COL4A2: variants seen among roughly 807,000 people sequenced by gnomAD.
COL4A2 encodes collagen type IV alpha 2 chain.
COL4A2 carries 99 observed loss-of-function variants against 200.2 expected under a neutral mutation model. That is an observed-to-expected ratio of 0.49 (90% confidence interval 0.42 to 0.58). The LOEUF is 0.58. COL4A2 is among the 20% of genes least tolerant of loss of function. The probability of loss-of-function intolerance (pLI) is 0.00; values close to 1 mark genes in which losing one functional copy is unlikely to be tolerated. For synonymous variants in COL4A2, 897 were observed against 900.6 expected (o/e 1.00, Z 0.07); for missense variants, 1,950 against 2,314.1 (o/e 0.84, Z 3.23).
In COL4A2 at chr13:110,504,129, C is replaced by T; in HGVS notation, c.4286-19C>T. 1 of 1,611,444 alleles carries T rather than the reference C, an allele frequency of 6.2e-7. No homozygotes were observed. The highest frequency in any genetic ancestry group is 8.5e-7 in the Non-Finnish European group (1 of 1,177,578). ...GCGTGGTCAGTTTCCAGCCATAACG[C>T]TTCTTTGGTGGCTTGCAGGTTTCCG... On this transcript the variant is annotated intron_variant, in intron 44 of 47. Transcript: ENST00000360467.
intron 3 of COL4A2, among the ~76,000 whole-genome samples, chr13:110,355,289 G>A (rs1476841376): frequency 6.7e-6 from 1 of 148,900 alleles, no homozygotes; most frequent in Non-Finnish European, 1.5e-5. Context: ...TCACCTGTTT[G>A]TGTGGGGAGG....
In COL4A2 at chr13:110,390,369, G is replaced by A. The variant is rs113561949; in HGVS notation, c.180+32817G>A. Among the ~76,000 whole-genome samples, 300 of 152,342 alleles carry A rather than the reference G, an allele frequency of 2.0e-3. 1 individual carries two copies. The highest frequency in any genetic ancestry group is 6.9e-3 in the African/African-American group (286 of 41,588). On this transcript the variant is annotated intron_variant, in intron 4 of 47. Coordinates refer to ENST00000360467, the MANE Select transcript of COL4A2 (RefSeq NM_001846.4). ...GTCTCCACAGATTCCCAAAGGTCAC[G>A]CAGTGACCCTGCACAGGGAGCCTTG...
chr13:110,473,961 CA>C lies in COL4A2; in HGVS notation c.2425+821del, dbSNP rs10626415. 6.2e-3 allele frequency among the ~76,000 whole-genome samples: 914 copies of C among 146,548 alleles called. 9 individuals are homozygous for C. The highest frequency in any genetic ancestry group is 0.018 in the Middle Eastern group (5 of 282). On this transcript the variant is annotated intron_variant, in intron 29 of 47. Coordinates refer to ENST00000360467, the MANE Select transcript of COL4A2 (RefSeq NM_001846.4). Reference sequence around the variant, plus strand: ...GCTACATAGGGAGACCCCATTTCTACAAAAAAAAAATAATAATTAACTGGGC... The same window carrying C: ...GCTACATAGGGAGACCCCATTTCTACAAAAAAAAATAATAATTAACTGGGC...
At chr13:110,368,002 G>T (rs1025618972) in intron 4 of COL4A2, among the ~76,000 whole-genome samples, 22 of 152,214 alleles carry the variant, frequency 1.4e-4, no homozygotes, top group Admixed American at 1.1e-3. Context: ...AGGAAGCCAG[G>T]CTTCCTGCAC....
At chr13:110,396,547 T>C (rs9583490) in intron 4 of COL4A2, among the ~76,000 whole-genome samples, 6,431 of 152,230 alleles carry the variant, frequency 0.042, 217 homozygotes, top group African/African-American at 0.076. Context: ...GCCATCAAGA[T>C]GTTCTGTGAA....
chr13:110,447,234 G>A (rs967242150), intron 18 of COL4A2, among the ~76,000 whole-genome samples: 2 of 152,166 alleles, frequency 1.3e-5, no homozygotes, highest in Non-Finnish European at 2.9e-5. Flanking sequence ...GCCGCCTTCG[G>A]ATTTTTTCTC....
In COL4A2 at chr13:110,503,506, G is replaced by C. The variant is rs183334597; in HGVS notation, c.4138+25G>C. On this transcript the variant is annotated intron_variant, in intron 43 of 47. Coordinates refer to ENST00000360467, the MANE Select transcript of COL4A2 (RefSeq NM_001846.4). ...GGTAAGTGACCGTCTGGTATCTTCA[G>C]AGCTAGTGGCTCAGCCCAGCCTCTC... The C allele has an allele frequency of 5.7e-6, 8 of 1,404,180 alleles. No homozygotes were observed. The Admixed American group carries it at 8.7e-5, about 15-fold the overall frequency. 87.0% of individuals were successfully genotyped at this position (1,404,180 alleles called of 1,614,324 possible).
chr13:110,396,222 CA>C (rs1467133818), intron 4 of COL4A2, among the ~76,000 whole-genome samples: 4 of 152,182 alleles, frequency 2.6e-5, no homozygotes, highest in Non-Finnish European at 5.9e-5. Flanking sequence ...CAACTGATAC[CA>C]GTGTTGGCCT....
At chr13:110,406,791 A>G (rs1308610380) in intron 4 of COL4A2, among the ~76,000 whole-genome samples, 3 of 152,190 alleles carry the variant, frequency 2.0e-5, no homozygotes, top group African/African-American at 7.2e-5. Context: ...GCATGTATGT[A>G]TACATCTGTG....
chr13:110,380,744 C>T (rs74127425), intron 4 of COL4A2, among the ~76,000 whole-genome samples: 4,665 of 150,350 alleles, frequency 0.031, 142 homozygotes, highest in African/African-American at 0.081. Context: ...CTCATACCCA[C>T]GTGCTCTGTC....
Position 110,386,397 on chromosome 13 carries a change from G to A in COL4A2, c.180+28845G>A, listed in dbSNP as rs1305061620. 2.0e-5 allele frequency among the ~76,000 whole-genome samples: 3 copies of A among 152,306 alleles called. No homozygotes were observed. The East Asian group carries it at 5.8e-4, about 29-fold the overall frequency. ...AGGTGTGTTTCTTGTGTAAGCCACA[G>A]TGCTGGAAAAGTAGGATGGCTCCTG... On this transcript the variant is annotated intron_variant, in intron 4 of 47. Transcript: ENST00000360467.
rs150046226 is a variant in COL4A2, at chr13:110,406,670, C to T, written c.181-18064C>T. 3.0e-3 allele frequency among the ~76,000 whole-genome samples: 456 copies of T among 151,800 alleles called. 1 individual carries two copies. The highest frequency in any genetic ancestry group is 0.011 in the African/African-American group (441 of 41,400). The stretch of plus-strand genomic sequence containing the variant: ...TTGGTAATTTATACATTAGCCGAGA[C>T]GCTTTTCCTACTACACTGCCAGAAG... On this transcript the variant is annotated intron_variant, in intron 4 of 47. Transcript: ENST00000360467.
chr13:110,471,607 G>C (rs1017429222), intron 28 of COL4A2, among the ~76,000 whole-genome samples: 1 of 152,178 alleles, frequency 6.6e-6, no homozygotes, highest in African/African-American at 2.4e-5. Context: ...TTCATTGTGA[G>C]TAAATCACAC....
rs1325252570 is a variant in COL4A2, at chr13:110,385,554, T to C, written c.180+28002T>C. Among the ~76,000 whole-genome samples the C allele has an allele frequency of 5.4e-3, 281 of 51,684 alleles. 3 individuals carry two copies. Among genetic ancestry groups the C allele is most frequent in the African/African-American group, 5.9e-3 (107 of 18,000 alleles). 33.9% of individuals were successfully genotyped at this position (51,684 alleles called of 152,430 possible). A position where few individuals can be genotyped will look rare whatever the true frequency, so the allele number is the denominator to read the frequency against. On this transcript the variant is annotated intron_variant, in intron 4 of 47. Transcript: ENST00000360467. ...GCGTGGATAGGCCGTGGTTGCAGTGTGTGGATAGACCGTGGCTGCAGTGTG... is the reference window on the plus strand; with the variant it reads ...GCGTGGATAGGCCGTGGTTGCAGTGCGTGGATAGACCGTGGCTGCAGTGTG...
At chr13:110,421,277 C>G (rs896264420) in intron 4 of COL4A2, among the ~76,000 whole-genome samples, 1 of 152,222 alleles carries the variant, frequency 6.6e-6, no homozygotes, top group African/African-American at 2.4e-5. Context: ...GAATTCAGAA[C>G]AGAGACTCAA....
intron 29 of COL4A2, among the ~76,000 whole-genome samples, chr13:110,477,128 C>T (rs1284370832): frequency 6.6e-6 from 1 of 152,116 alleles, no homozygotes. Flanking sequence ...GCGGGCAGAT[C>T]GCATGAGCTC....
At chr13:110,443,298 T>C (rs374352893) in intron 16 of COL4A2, among the ~76,000 whole-genome samples, 7 of 152,262 alleles carry the variant, frequency 4.6e-5, no homozygotes, top group African/African-American at 1.7e-4. Flanking sequence ...AACAGGCAAA[T>C]GAAGAACAGA....
intron 45 of COL4A2, 109 bp from the exon 46 acceptor site, chr13:110,506,306 A>ACTCT (rs780165751): frequency 1.1e-5 from 10 of 916,668 alleles, no homozygotes; most frequent in South Asian, 3.8e-5. Flanking sequence ...CAGGCCGTCC[A>ACTCT]CTCTCTCTCT....
chr13:110,438,508 C>A, intron 14 of COL4A2, 110 bp from the exon 15 acceptor site: 1 of 1,415,940 alleles, frequency 7.1e-7, no homozygotes, highest in Non-Finnish European at 1.0e-6. Context: ...GGTCTGGACA[C>A]CATCGGGGCT....
Sources: gnomAD v4.1 joint callset for allele counts (sites outside exome capture counted in the v4.1 genomes callset) on GRCh38, gnomAD v4.1.1 for gene constraint, MANE v1.5 for transcripts, NCBI Gene and HGNC (gene_info 2026-07-23, HGNC 2026-07-21) for gene names.